SIK2: variants seen among roughly 807,000 people sequenced by gnomAD.
The protein encoded by SIK2 is serine/threonine-protein kinase SIK2.
A neutral mutation model predicts 103.2 loss-of-function variants in SIK2; 29 were observed. The ratio of observed to expected loss-of-function variants is 0.28; its 90% confidence interval spans 0.21 to 0.38. SIK2 has a LOEUF of 0.38. SIK2 is among the 10% of genes least tolerant of loss of function. SIK2 has a pLI of 1.00. For missense variants in SIK2, 879 were observed against 1,171.0 expected (o/e 0.75, Z 3.64); for synonymous variants, 412 against 446.1 (o/e 0.92, Z 0.96).
chr11:111,686,030 C>T (rs549647609), intron 3 of SIK2, among the ~76,000 whole-genome samples: 3 of 152,126 alleles, frequency 2.0e-5, no homozygotes, highest in Non-Finnish European at 2.9e-5. Context: ...GCTTTCTCAT[C>T]TATAAAATGG....
rs1047400 is a variant in SIK2, at chr11:111,729,947, T to C, written c.*5818T>C. On this transcript the variant is annotated 3_prime_UTR_variant, in exon 15 of 15. Coordinates refer to ENST00000304987, the MANE Select transcript of SIK2 (RefSeq NM_015191.3). Reference sequence around the variant, plus strand: ...CAGCAGTTTCCTACAGAACACCCCCTTCCTCAATTGCCAAGGGGCCGCATC... The same window carrying C: ...CAGCAGTTTCCTACAGAACACCCCCCTCCTCAATTGCCAAGGGGCCGCATC... The C allele has an allele frequency of 7.7e-3, 1,181 of 152,422 alleles. 10 individuals are homozygous for C. The highest frequency in any genetic ancestry group is 0.054 in the Middle Eastern group (16 of 294). The allele number at this position is 152,422 out of a possible 1,614,324, so 9.4% of individuals were successfully genotyped here.
chr11:111,700,793 T>C (rs1483966966), intron 4 of SIK2, 93 bp from the exon 5 acceptor site: 2 of 1,454,576 alleles, frequency 1.4e-6, no homozygotes, highest in Non-Finnish European at 1.9e-6. Context: ...AGTAGTGATA[T>C]TGTTAATATA....
intron 3 of SIK2, among the ~76,000 whole-genome samples, chr11:111,664,808 A>G (rs1304517928): frequency 6.6e-6 from 1 of 150,882 alleles, no homozygotes; most frequent in Non-Finnish European, 1.5e-5. Flanking sequence ...TTTGATTCTG[A>G]TGGGTTTAGT....
chr11:111,635,968 T>A (rs373629051), intron 3 of SIK2, among the ~76,000 whole-genome samples: 1 of 152,264 alleles, frequency 6.6e-6, no homozygotes, highest in African/African-American at 2.4e-5. Context: ...TTTGGCAGTC[T>A]GTGTTTCATT....
At chr11:111,677,755 A>G (rs899073056) in intron 3 of SIK2, among the ~76,000 whole-genome samples, 4 of 151,948 alleles carry the variant, frequency 2.6e-5, no homozygotes, top group African/African-American at 9.7e-5. Context: ...TAATCTTCTT[A>G]TATGTACTTG....
intron 3 of SIK2, among the ~76,000 whole-genome samples, chr11:111,625,410 G>A (rs1255846306): frequency 1.3e-5 from 2 of 152,076 alleles, no homozygotes; most frequent in African/African-American, 2.4e-5. Context: ...AGGACTTCTC[G>A]ACAGGTGGAG....
At chr11:111,709,154 C>G (rs1222131013) in intron 8 of SIK2, among the ~76,000 whole-genome samples, 1 of 152,192 alleles carries the variant, frequency 6.6e-6, no homozygotes, top group Non-Finnish European at 1.5e-5. Flanking sequence ...GGGTTGCTAC[C>G]TGGTGAGGCC....
intron 4 of SIK2, among the ~76,000 whole-genome samples, chr11:111,694,374 A>G (rs1943022088): frequency 6.6e-6 from 1 of 152,180 alleles, no homozygotes; most frequent in African/African-American, 2.4e-5. Context: ...TTAGTATTGT[A>G]TAATTAGCCT....
Position 111,723,635 on chromosome 11 carries a change from C to G in SIK2, c.2287C>G (p.Gln763Glu). The G allele has an allele frequency of 3.1e-6, 5 of 1,614,172 alleles. No individual in the cohort carries two copies. The highest frequency in any genetic ancestry group is 4.2e-6 in the Non-Finnish European group (5 of 1,180,034). Residue 763 changes from glutamine to glutamate, a missense_variant, in exon 15 of 15, where the codon CAG becomes GAG. Physicochemically the swap from Gln to Glu is conservative, Grantham distance 29 (BLOSUM62 2). Transcript: ENST00000304987. ...LPRQETPPPS[Q>E]QAPPFSLTQP... ...CCGCCAGGAGACTCCACCGCCTTCT[C>G]AGCAGGCCCCACCGTTCAGCCTGAC...
intron 1 of SIK2, among the ~76,000 whole-genome samples, chr11:111,605,945 C>T (rs180778738): frequency 1.3e-5 from 2 of 152,050 alleles, no homozygotes; most frequent in Admixed American, 6.6e-5. Context: ...CTTCCTAATA[C>T]GCTTTGCAAA....
chr11:111,619,183 G>A (rs768684323), intron 2 of SIK2, among the ~76,000 whole-genome samples: 1 of 152,142 alleles, frequency 6.6e-6, no homozygotes, highest in Non-Finnish European at 1.5e-5. Flanking sequence ...ATTGGTTACA[G>A]TTGATTTACT....
At chr11:111,611,301 T>C (rs529225436) in intron 1 of SIK2, among the ~76,000 whole-genome samples, 1 of 152,208 alleles carries the variant, frequency 6.6e-6, no homozygotes, top group African/African-American at 2.4e-5. Context: ...GATTATTTCC[T>C]TCAAATAACT....
chr11:111,688,747 A>G lies in SIK2; in HGVS notation c.478+585A>G, dbSNP rs943890671. On this transcript the variant is annotated intron_variant, in intron 4 of 14. Transcript: ENST00000304987. This position sits in a 1 kb window ranked among gnomAD's most constrained non-coding sequence, Gnocchi z 4.2. ...TTATATTCTCAGTCTCTTTATTTAC[A>G]TAGTCAAAACTCTCATTCACTCAAT... 6.6e-6 allele frequency among the ~76,000 whole-genome samples: 1 copy of G among 152,104 alleles called. No individual in the cohort carries two copies. Among genetic ancestry groups the G allele is most frequent in the African/African-American group, 2.4e-5 (1 of 41,418 alleles).
intron 3 of SIK2, among the ~76,000 whole-genome samples, chr11:111,641,916 GA>G (rs1942188594): frequency 6.6e-6 from 1 of 151,618 alleles, no homozygotes; most frequent in Non-Finnish European, 1.5e-5. Context: ...TACCTTTTCT[GA>G]GTCTCAGGTT....
chr11:111,651,475 G>A (rs192528212), intron 3 of SIK2, among the ~76,000 whole-genome samples: 2 of 152,226 alleles, frequency 1.3e-5, no homozygotes, highest in East Asian at 3.9e-4. Context: ...AGTGGGAGCT[G>A]AACAATGAGA....
chr11:111,633,279 C>T (rs980394639), intron 3 of SIK2, among the ~76,000 whole-genome samples: 21 of 151,998 alleles, frequency 1.4e-4, no homozygotes, highest in Non-Finnish European at 1.9e-4. Context: ...CTTTCCTGCA[C>T]AACTCATTTT....
intron 3 of SIK2, among the ~76,000 whole-genome samples, chr11:111,624,925 A>G (rs1225270869): frequency 2.0e-5 from 3 of 152,212 alleles, no homozygotes; most frequent in Non-Finnish European, 2.9e-5. Context: ...GATATGGTAG[A>G]ACAGAGATTA....
chr11:111,696,380 T>C (rs1196384154), intron 4 of SIK2, among the ~76,000 whole-genome samples: 2 of 152,182 alleles, frequency 1.3e-5, no homozygotes, highest in African/African-American at 2.4e-5. Context: ...TAGAGGAAGC[T>C]GGGTGAAGGG....
intron 3 of SIK2, among the ~76,000 whole-genome samples, chr11:111,674,676 T>G (rs1942678965): frequency 6.6e-6 from 1 of 152,220 alleles, no homozygotes; most frequent in Non-Finnish European, 1.5e-5. Flanking sequence ...TTTGTACAAT[T>G]GTGAGTTTTA....
Sources: gnomAD v4.1 joint callset for allele counts (sites outside exome capture counted in the v4.1 genomes callset) on GRCh38, gnomAD v4.1.1 for gene constraint, Gnocchi (gnomAD v3.1) non-coding constraint, MANE v1.5 for transcripts, NCBI Gene and HGNC (gene_info 2026-07-23, HGNC 2026-07-21) for gene names.